Variants in CLASP1 observed in about 807,000 individuals in gnomAD.
The protein encoded by CLASP1 is CLIP-associating protein 1.
CLASP1 carries 38 observed loss-of-function variants against 192.3 expected under a neutral mutation model. The ratio of observed to expected loss-of-function variants is 0.20; its 90% CI spans 0.15 to 0.26. CLASP1 has a LOEUF of 0.26. Ranked by LOEUF, CLASP1 falls within the 10% of genes least tolerant of loss-of-function variation. The probability of loss-of-function intolerance (pLI) is 1.00; values close to 1 mark genes in which losing one functional copy is unlikely to be tolerated. For missense variants in CLASP1, 1,433 were observed against 1,932.5 expected (o/e 0.74, Z 4.85); for synonymous variants, 691 against 712.8 (o/e 0.97, Z 0.49).
At chr2:121,421,410 G>T (rs112975792) in intron 22 of CLASP1, among the ~76,000 whole-genome samples, 6 of 151,912 alleles carry the variant, frequency 3.9e-5, no homozygotes, top group African/African-American at 1.5e-4. Context: ...GCCATGCCCG[G>T]CTAATTTTTT....
intron 34 of CLASP1, among the ~76,000 whole-genome samples, chr2:121,372,771 A>G (rs1001222626): frequency 6.6e-6 from 1 of 152,158 alleles, no homozygotes; most frequent in African/African-American, 2.4e-5. Context: ...AGATCCTTCA[A>G]TGACTCCAGT....
chr2:121,548,219 A>G (rs2057664907), intron 2 of CLASP1, among the ~76,000 whole-genome samples: 1 of 152,248 alleles, frequency 6.6e-6, no homozygotes, highest in Non-Finnish European at 1.5e-5. Flanking sequence ...ATAAAAAAGA[A>G]CCTAAAGGAT....
chr2:121,432,643 C>A (rs1174581357), intron 19 of CLASP1, among the ~76,000 whole-genome samples: 3 of 152,114 alleles, frequency 2.0e-5, no homozygotes, highest in Admixed American at 6.5e-5. Context: ...TTGTCAATAT[C>A]TTTTGATAAA....
chr2:121,348,455 TC>T (rs1044755250), intron 38 of CLASP1, 56 bp downstream of exon 39: 199 of 1,489,502 alleles, frequency 1.3e-4, no homozygotes, highest in Non-Finnish European at 1.7e-4. Context: ...TTACATTACT[TC>T]AAGTTAGGCA....
intron 38 of CLASP1, among the ~76,000 whole-genome samples, chr2:121,348,256 A>G (rs2063728017): frequency 6.6e-6 from 1 of 152,300 alleles, no homozygotes; most frequent in Middle Eastern, 3.4e-3. Context: ...AAAAATGATC[A>G]AAGTATGTTT....
At chr2:121,462,711 C>G in intron 9 of CLASP1, 106 bp from the exon 10 acceptor site, 2 of 685,378 alleles carry the variant, frequency 2.9e-6, no homozygotes. Flanking sequence ...TTGGAAGATT[C>G]AGAACATTTT....
At chr2:121,590,594 CTG>C (rs1275666295) in intron 2 of CLASP1, among the ~76,000 whole-genome samples, 2 of 152,118 alleles carry the variant, frequency 1.3e-5, no homozygotes, top group African/African-American at 4.8e-5. Flanking sequence ...GGGCAAAAGA[CTG>C]AGTGATTTTA....
intron 2 of CLASP1, among the ~76,000 whole-genome samples, chr2:121,557,776 A>T (rs1438949544): frequency 6.6e-6 from 1 of 151,728 alleles, no homozygotes; most frequent in Non-Finnish European, 1.5e-5. Context: ...GAAAAAAGAA[A>T]AAAAAAGAAT....
intron 1 of CLASP1, among the ~76,000 whole-genome samples, chr2:121,637,124 C>T (rs914541699): frequency 6.6e-6 from 1 of 152,126 alleles, no homozygotes; most frequent in Non-Finnish European, 1.5e-5. Flanking sequence ...GGGACACAAA[C>T]TATTTAAAAG....
chr2:121,556,688 C>T (rs968835721), intron 2 of CLASP1, among the ~76,000 whole-genome samples: 3 of 152,190 alleles, frequency 2.0e-5, no homozygotes, highest in Admixed American at 2.0e-4. Flanking sequence ...ATTATCATTG[C>T]TATTGTCTAG....
At chr2:121,503,265 T>A in intron 7 of CLASP1, 31 bp from the exon 8 acceptor site, 1 of 1,213,004 alleles carries the variant, frequency 8.2e-7, no homozygotes, top group Non-Finnish European at 1.2e-6. Flanking sequence ...AACAAACTAT[T>A]AACCATCACT....
At position 121,474,374 on chromosome 2, in the gene CLASP1, T is replaced by C. The variant is rs192416292; in HGVS notation, c.713-4414A>G. ...ATTGCCTGAAGATGTCACACAATAG[T>C]GTATCACAAACCTTACTGAGAAGAC... On this transcript the variant is annotated intron_variant, in intron 8 of 39. Coordinates refer to ENST00000263710, the Ensembl canonical transcript of CLASP1. Among the ~76,000 whole-genome samples the C allele has an allele frequency of 2.0e-3, 307 of 152,270 alleles. 1 individual carries two copies. The highest frequency in any genetic ancestry group is 7.1e-3 in the African/African-American group (294 of 41,536).
chr2:121,611,385 G>T (rs1339113509), intron 1 of CLASP1, among the ~76,000 whole-genome samples: 2 of 140,206 alleles, frequency 1.4e-5, no homozygotes, highest in Non-Finnish European at 3.1e-5. Context: ...AGTTACAGGA[G>T]AAAGAGGAAC....
At chr2:121,486,148 T>G (rs1189037233) in intron 8 of CLASP1, among the ~76,000 whole-genome samples, 1 of 152,216 alleles carries the variant, frequency 6.6e-6, no homozygotes, top group East Asian at 1.9e-4. Context: ...ATAATTATAG[T>G]AATAATGACA....
In CLASP1 at chr2:121,447,076, C is replaced by A. The variant is rs1022504261; in HGVS notation, c.1912+261G>T. 3.9e-5 allele frequency among the ~76,000 whole-genome samples: 6 copies of A among 152,144 alleles called. No individual in the cohort carries two copies. In the South Asian group the frequency reaches 1.2e-3, roughly 31 times the overall value. On this transcript the variant is annotated intron_variant, in intron 19 of 39. Transcript: ENST00000263710. ...GGAAGAGGAAGAGTTGAGGAAAGGACGTGCTCAGTGCCACACACCCTCCGA... is the reference window on the plus strand; with the variant it reads ...GGAAGAGGAAGAGTTGAGGAAAGGAAGTGCTCAGTGCCACACACCCTCCGA...
At chr2:121,390,305 A>G (rs2074115582) in intron 30 of CLASP1, among the ~76,000 whole-genome samples, 1 of 152,214 alleles carries the variant, frequency 6.6e-6, no homozygotes. Context: ...CAAAAAGTGG[A>G]GTACGCCACT....
intron 3 of CLASP1, among the ~76,000 whole-genome samples, chr2:121,529,892 A>G (rs1473882586): frequency 6.6e-6 from 1 of 152,238 alleles, no homozygotes; most frequent in Non-Finnish European, 1.5e-5. Flanking sequence ...CTAATTTAGC[A>G]TAAGAAATAA....
At chr2:121,436,981 A>C (rs1190390930) in intron 19 of CLASP1, among the ~76,000 whole-genome samples, 2 of 151,918 alleles carry the variant, frequency 1.3e-5, no homozygotes, top group Non-Finnish European at 2.9e-5. Context: ...TATTTTTTTC[A>C]GACAGGGTCT....
chr2:121,379,449 C>A (rs530463972), intron 33 of CLASP1, among the ~76,000 whole-genome samples: 2 of 152,262 alleles, frequency 1.3e-5, no homozygotes, highest in South Asian at 4.1e-4. Context: ...GAGGCTCCCC[C>A]GCTCCTTCTG....
Sources: allele counts gnomAD v4.1 joint callset (sites outside exome capture counted in the v4.1 genomes callset), GRCh38; gene constraint gnomAD v4.1.1; transcripts MANE v1.5; gene names NCBI Gene and HGNC (gene_info 2026-07-23, HGNC 2026-07-21).